Variants in PCMT1 observed in about 807,000 individuals in gnomAD.
PCMT1 encodes protein-L-isoaspartate (D-aspartate) O-methyltransferase.
PCMT1 carries 9 observed loss-of-function variants against 29.2 expected under a neutral mutation model. The observed-to-expected ratio is 0.31, with a 90% CI of 0.19 to 0.54. The LOEUF is 0.54. Among genes scored for constraint, PCMT1 ranks in the 20% least tolerant of loss-of-function variants. PCMT1 has a pLI of 0.95. For synonymous variants in PCMT1, 98 were observed against 97.5 expected, an observed-to-expected ratio of 1.00 and a Z score of -0.03; for missense variants, 184 against 282.2, an observed-to-expected ratio of 0.65 and a Z score of 2.49.
At chr6:149,796,036 A>G (rs762932966) in intron 5 of PCMT1, 1 of 177,324 alleles carries the variant, frequency 5.6e-6, no homozygotes. Context: ...TTCGTTCTTA[A>G]GAGTTGTGGG....
chr6:149,760,732 G>A (rs1185220947), intron 1 of PCMT1, among the ~76,000 whole-genome samples: 2 of 152,064 alleles, frequency 1.3e-5, no homozygotes, highest in Admixed American at 6.6e-5. Flanking sequence ...CATGCCTATA[G>A]TCCCAGCTAC....
intron 4 of PCMT1, among the ~76,000 whole-genome samples, chr6:149,792,680 G>C (rs1391970478): frequency 1.3e-5 from 2 of 151,936 alleles, no homozygotes; most frequent in Admixed American, 6.6e-5. Flanking sequence ...ACCACACCTG[G>C]CTAGTTTTTG....
intron 3 of PCMT1, among the ~76,000 whole-genome samples, chr6:149,782,646 GC>G (rs1446962956): frequency 6.6e-6 from 1 of 152,088 alleles, no homozygotes; most frequent in East Asian, 1.9e-4. Flanking sequence ...ATTTGAAGAG[GC>G]TCCCAAAGGC....
At chr6:149,803,075 A>C (rs1213340898) in intron 7 of PCMT1, among the ~76,000 whole-genome samples, 51 of 150,762 alleles carry the variant, frequency 3.4e-4, no homozygotes, top group Non-Finnish European at 6.8e-4. Context: ...AAAAAAAAAA[A>C]AAAAAAACAA....
At chr6:149,776,681 G>A (rs2184369) in intron 3 of PCMT1, among the ~76,000 whole-genome samples, 81,167 of 151,886 alleles carry the variant, frequency 0.53, 24,908 homozygotes, top group East Asian at 0.83. Context: ...CTAAAATGTT[G>A]GATTACAGGC....
chr6:149,773,042 T>C (rs570985481), intron 2 of PCMT1, 96 bp from the exon 3 acceptor site: 2 of 951,290 alleles, frequency 2.1e-6, no homozygotes, highest in East Asian at 2.5e-5. Flanking sequence ...AAAAGAATTA[T>C]TGTGAAAAAT....
intron 1 of PCMT1, among the ~76,000 whole-genome samples, chr6:149,769,194 CAG>C (rs1787208573): frequency 6.6e-6 from 1 of 151,254 alleles, no homozygotes; most frequent in Non-Finnish European, 1.5e-5. Context: ...ATTTTGTGGA[CAG>C]AGTTCATTGT....
At position 149,749,745 on chromosome 6, in the gene PCMT1, T is replaced by C. The variant is rs970792562; in HGVS notation, c.-157T>C. 1.2e-5 allele frequency: 18 copies of C among 1,546,016 alleles called. No homozygotes were observed. Among genetic ancestry groups the C allele is most frequent in the African/African-American group, 6.9e-5 (5 of 72,858 alleles). On this transcript the variant is annotated 5_prime_UTR_variant, in exon 1 of 8. Coordinates refer to ENST00000464889, the MANE Select transcript of PCMT1 (RefSeq NM_001360452.2). ...CGCGGGGGATGCCGGGAGCGCGCAG[T>C]GGCGGCAGCGGCGGCGACGGCAGTA...
chr6:149,805,491 G>A (rs996559218), intron 7 of PCMT1, among the ~76,000 whole-genome samples: 3 of 152,020 alleles, frequency 2.0e-5, no homozygotes, highest in African/African-American at 7.3e-5. Context: ...CTACTCGGGA[G>A]GCTGAAGCAG....
At chr6:149,795,132 G>T in intron 5 of PCMT1, 1 of 317,080 alleles carries the variant, frequency 3.2e-6, no homozygotes, top group Non-Finnish European at 6.1e-6. Context: ...GGCGGAGGTT[G>T]CAGTGAGCTG....
At chr6:149,796,221 T>C in intron 5 of PCMT1, 194 bp from the exon 6 acceptor site, 1 of 399,098 alleles carries the variant, frequency 2.5e-6, no homozygotes, top group Non-Finnish European at 4.5e-6. Context: ...TAAAATTCCA[T>C]TGTTTTAATG....
At chr6:149,802,017 T>C (rs1775841780) in intron 6 of PCMT1, among the ~76,000 whole-genome samples, 183 bp from the exon 7 acceptor site, 1 of 152,006 alleles carries the variant, frequency 6.6e-6, no homozygotes, top group South Asian at 2.1e-4. Context: ...TAGTCCCAGC[T>C]ACTTGGGAGA....
intron 2 of PCMT1, chr6:149,772,099 T>C (rs964611104): frequency 4.4e-6 from 2 of 456,674 alleles, no homozygotes; most frequent in African/African-American, 4.0e-5. Flanking sequence ...GGCTTAGAAG[T>C]GCCTCAGGAT....
At chr6:149,778,051 A>G (rs886691847) in intron 3 of PCMT1, among the ~76,000 whole-genome samples, 7 of 151,218 alleles carry the variant, frequency 4.6e-5, no homozygotes, top group African/African-American at 1.7e-4. Flanking sequence ...TAATTTTTGT[A>G]TTTTTAGTAG....
intron 4 of PCMT1, among the ~76,000 whole-genome samples, chr6:149,790,261 A>T (rs1788304090): frequency 6.6e-6 from 1 of 152,188 alleles, no homozygotes; most frequent in African/African-American, 2.4e-5. Flanking sequence ...AAGGGAGTTT[A>T]TTTAGTTCAT....
At chr6:149,799,406 T>A (rs1419706229) in intron 6 of PCMT1, among the ~76,000 whole-genome samples, 1 of 152,194 alleles carries the variant, frequency 6.6e-6, no homozygotes, top group African/African-American at 2.4e-5. Context: ...GCATTAGAAT[T>A]CGTAAGTCAG....
At chr6:149,773,625 T>A (rs1373617159) in intron 3 of PCMT1, among the ~76,000 whole-genome samples, 1 of 152,160 alleles carries the variant, frequency 6.6e-6, no homozygotes, top group Admixed American at 6.6e-5. Context: ...GTGATCCGCC[T>A]GCCTCGGCCT....
intron 3 of PCMT1, among the ~76,000 whole-genome samples, chr6:149,780,676 G>C (rs1480682831): frequency 6.6e-6 from 1 of 152,130 alleles, no homozygotes; most frequent in Non-Finnish European, 1.5e-5. Context: ...CCCTGTTGTA[G>C]TGTGAATCAG....
chr6:149,800,907 A>G, intron 6 of PCMT1, among the ~76,000 whole-genome samples: 1 of 152,214 alleles, frequency 6.6e-6, no homozygotes, highest in East Asian at 1.9e-4. Flanking sequence ...CCAAGAGGAT[A>G]GTTCTATATT....
Sources: allele counts gnomAD v4.1 joint callset (sites outside exome capture counted in the v4.1 genomes callset), GRCh38; gene constraint gnomAD v4.1.1; transcripts MANE v1.5; gene names NCBI Gene and HGNC (gene_info 2026-07-23, HGNC 2026-07-21).